The following CNDP2 variants were observed in gnomAD, a reference collection of about 807,000 sequenced individuals.
CNDP2 encodes carnosine dipeptidase 2.
Under a neutral mutation model 55.0 loss-of-function variants are expected in CNDP2, and 38 were observed. That is an observed-to-expected ratio of 0.69 (90% CI 0.53 to 0.90). CNDP2 has a LOEUF of 0.90. Ranked by LOEUF, CNDP2 falls within the 40% of genes least tolerant of loss-of-function variation. CNDP2 has a pLI of 0.00. For synonymous variants in CNDP2, 241 were observed against 260.2 expected, an observed-to-expected ratio of 0.93 and a Z score of 0.71; for missense variants, 607 against 621.7, an observed-to-expected ratio of 0.98 and a Z score of 0.25.
rs200137142 is a variant in CNDP2 at position 74,503,801 on chromosome 18, C to T, written c.205-2048C>T. ...GGGGCGTCAGGCCATACACTGCACA[C>T]GCAGCCACAGTGCCGCTGGGACAAA... On this transcript the variant is annotated intron_variant, in intron 3 of 11. Transcript: ENST00000324262. Among the ~76,000 whole-genome samples, 6 of 149,976 alleles carry T rather than the reference C, an allele frequency of 4.0e-5. No individual in the cohort carries two copies. In the East Asian group the frequency reaches 5.8e-4, roughly 15 times the overall value.
intron 11 of CNDP2, among the ~76,000 whole-genome samples, chr18:74,519,334 C>T (rs890134341): frequency 3.3e-5 from 5 of 152,234 alleles, no homozygotes; most frequent in Non-Finnish European, 5.9e-5. Flanking sequence ...TCATCTACCC[C>T]TCTCTCCATT....
intron 3 of CNDP2, chr18:74,505,153 A>ATCAATGT (rs1287792750): frequency 1.3e-5 from 2 of 152,186 alleles, no homozygotes; most frequent in Non-Finnish European, 2.9e-5. Context: ...CATAATTGTA[A>ATCAATGT]TCAATGTACA....
intron 3 of CNDP2, chr18:74,505,007 T>C (rs987087780): frequency 1.3e-5 from 2 of 152,222 alleles, no homozygotes; most frequent in Non-Finnish European, 2.9e-5. Flanking sequence ...TCCTATGGGA[T>C]TGTGGAATAT....
At chr18:74,518,812 C>A in intron 10 of CNDP2, 137 bp from the exon 11 acceptor site, 1 of 1,440,486 alleles carries the variant, frequency 6.9e-7, no homozygotes, top group Non-Finnish European at 9.6e-7. Flanking sequence ...GGACCCCTGG[C>A]GGACCTTGAA....
chr18:74,503,553 G>A (rs183009236), intron 3 of CNDP2, among the ~76,000 whole-genome samples: 4 of 152,382 alleles, frequency 2.6e-5, no homozygotes, highest in Admixed American at 1.3e-4. Context: ...GTATTTCAGA[G>A]GAGCCCTATT....
chr18:74,515,447 T>A (rs1157909713), intron 8 of CNDP2, among the ~76,000 whole-genome samples: 1 of 152,136 alleles, frequency 6.6e-6, no homozygotes, highest in East Asian at 1.9e-4. Context: ...GCCCTGACCC[T>A]CAGGCTCGTG....
chr18:74,509,124 G>T, intron 5 of CNDP2, 196 bp downstream of exon 5: 2 of 553,502 alleles, frequency 3.6e-6, no homozygotes, highest in East Asian at 2.8e-5. Context: ...CATTCAAAGT[G>T]TAATTGTTTT....
At position 74,520,583 on chromosome 18, in the gene CNDP2, G is replaced by A. The variant is rs1450280515; in HGVS notation, c.*515G>A. ...AGGCAGGAGGATCGCTTGAGACCAA[G>A]AGTTTGAGCCTGCGGTGAGCTGTGA... On this transcript the variant is annotated 3_prime_UTR_variant, in exon 12 of 12. Coordinates refer to ENST00000324262, the MANE Select transcript of CNDP2 (RefSeq NM_018235.3). 3 of 159,788 alleles carry A rather than the reference G, an allele frequency of 1.9e-5. No individual in the cohort carries two copies. Among genetic ancestry groups the A allele is most frequent in the Admixed American group, 6.3e-5 (1 of 15,906 alleles). The allele number at this position is 159,788 out of a possible 1,614,324, so 9.9% of individuals were successfully genotyped here.
chr18:74,519,135 C>T, intron 11 of CNDP2, 39 bp downstream of exon 11: 1 of 1,567,210 alleles, frequency 6.4e-7, no homozygotes, highest in African/African-American at 1.4e-5. Context: ...GCGTCTCCTG[C>T]ACAGCGTCCC....
intron 9 of CNDP2, chr18:74,517,457 C>T (rs1979746988): frequency 6.6e-6 from 1 of 152,166 alleles, no homozygotes; most frequent in African/African-American, 2.4e-5. Flanking sequence ...AGCCAAGCCA[C>T]ACTGAGCCTC....
At chr18:74,509,139 C>T in intron 5 of CNDP2, 1 of 542,918 alleles carries the variant, frequency 1.8e-6, no homozygotes. Flanking sequence ...TGTTTTACAG[C>T]TGCTTAAAGG....
chr18:74,519,567 TTGC>T (rs1256877620), intron 11 of CNDP2, among the ~76,000 whole-genome samples: 1 of 151,822 alleles, frequency 6.6e-6, no homozygotes, highest in Non-Finnish European at 1.5e-5. Context: ...GCCCCTAAAA[TTGC>T]TGAGGAGGGC....
intron 3 of CNDP2, 24 bp from the exon 4 acceptor site, chr18:74,505,825 G>A (rs1233123969): frequency 6.2e-7 from 1 of 1,612,590 alleles, no homozygotes; most frequent in East Asian, 2.2e-5. Flanking sequence ...GGCTGTCCTT[G>A]GTTCCTTTCC....
At chr18:74,505,033 G>A (rs1453502619) in intron 3 of CNDP2, 2 of 152,168 alleles carry the variant, frequency 1.3e-5, no homozygotes, top group South Asian at 2.1e-4. Flanking sequence ...GTGCTTCTGG[G>A]ACAAAGCTCA....
At chr18:74,498,551 G>T (rs1978526032) in intron 1 of CNDP2, among the ~76,000 whole-genome samples, 1 of 152,098 alleles carries the variant, frequency 6.6e-6, no homozygotes, top group Admixed American at 6.5e-5. Flanking sequence ...AGTGAGCTTG[G>T]GATTTGTGGC....
At chr18:74,505,286 A>G (rs1315100694) in intron 3 of CNDP2, 1 of 152,262 alleles carries the variant, frequency 6.6e-6, no homozygotes, top group African/African-American at 2.4e-5. Context: ...AAAGTCAAAG[A>G]AAAACCAGCC....
At chr18:74,514,818 A>G (rs567148853) in intron 8 of CNDP2, among the ~76,000 whole-genome samples, 1 of 152,310 alleles carries the variant, frequency 6.6e-6, no homozygotes, top group Non-Finnish European at 1.5e-5. Context: ...GCATCAGTTG[A>G]ATTAAGCAAC....
intron 7 of CNDP2, among the ~76,000 whole-genome samples, chr18:74,513,265 A>C (rs544248303): frequency 4.1e-4 from 62 of 152,224 alleles, no homozygotes; most frequent in Admixed American, 1.0e-3. Context: ...CAGTCTCCTT[A>C]CCTGAGAAAT....
rs1322737343 is a variant in CNDP2, at chr18:74,509,263, A to C, written c.456+335A>C. ...GCCAGAACATAGTGCAGGCTCTGTCACATCACACAGGCCCCTCACTGTCTC... is the reference window on the plus strand; with the variant it reads ...GCCAGAACATAGTGCAGGCTCTGTCCCATCACACAGGCCCCTCACTGTCTC... On this transcript the variant is annotated intron_variant, in intron 5 of 11. Coordinates refer to ENST00000324262, the MANE Select transcript of CNDP2 (RefSeq NM_018235.3). 1.5e-5 allele frequency: 4 copies of C among 268,586 alleles called. No individual in the cohort carries two copies. In the East Asian group the frequency reaches 2.7e-4, roughly 18 times the overall value. 16.6% of individuals were successfully genotyped at this position (268,586 alleles called of 1,614,324 possible).
Sources: allele counts gnomAD v4.1 joint callset (sites outside exome capture counted in the v4.1 genomes callset), GRCh38; gene constraint gnomAD v4.1.1; transcripts MANE v1.5; gene names NCBI Gene and HGNC (gene_info 2026-07-23, HGNC 2026-07-21).